The following ALK variants were observed in gnomAD, a reference collection of about 807,000 sequenced individuals.
ALK encodes ALK receptor tyrosine kinase, also known as ALK tyrosine kinase receptor.
In ALK, 74 loss-of-function variants were observed where a neutral mutation model predicts 163.1. The ratio of observed to expected loss-of-function variants is 0.45; its 90% CI spans 0.38 to 0.55. ALK has a LOEUF of 0.55. Ranked by LOEUF, ALK falls within the 20% of genes least tolerant of loss-of-function variation. The pLI is 0.00. For synonymous variants in ALK, 960 were observed against 843.2 expected, an observed-to-expected ratio of 1.14 and a Z score of -2.40; for missense variants, 2,063 against 2,105.3, an observed-to-expected ratio of 0.98 and a Z score of 0.39.
chr2:29,204,472 G>GT (rs1669263510), intron 26 of ALK, among the ~76,000 whole-genome samples: 1 of 152,200 alleles, frequency 6.6e-6, no homozygotes, highest in Non-Finnish European at 1.5e-5. Flanking sequence ...GGATTTGTCT[G>GT]TTTTTCTCAT....
At chr2:29,399,755 G>A (rs1669397724) in intron 4 of ALK, among the ~76,000 whole-genome samples, 1 of 152,202 alleles carries the variant, frequency 6.6e-6, no homozygotes, top group South Asian at 2.1e-4. Context: ...GGGCTTATAT[G>A]TGTGGAGGAG....
chr2:29,207,612 A>G (rs553754011), intron 25 of ALK, among the ~76,000 whole-genome samples: 5 of 152,362 alleles, frequency 3.3e-5, no homozygotes, highest in Admixed American at 2.6e-4. Flanking sequence ...TTATAAGTAT[A>G]GTGTGTTTCT....
At chr2:29,917,611 T>C (rs1667867705) in intron 1 of ALK, among the ~76,000 whole-genome samples, 1 of 151,988 alleles carries the variant, frequency 6.6e-6, no homozygotes, top group Non-Finnish European at 1.5e-5. Flanking sequence ...GGGGAGGCAA[T>C]GATAATGTGA....
chr2:29,468,666 T>C (rs1312210210), intron 4 of ALK, among the ~76,000 whole-genome samples: 1 of 151,374 alleles, frequency 6.6e-6, no homozygotes, highest in African/African-American at 2.4e-5. Context: ...CTGGCCAAAA[T>C]AGTGAGACCC....
intron 1 of ALK, among the ~76,000 whole-genome samples, chr2:29,819,211 G>T (rs929042213): frequency 1.3e-5 from 2 of 152,184 alleles, no homozygotes; most frequent in Non-Finnish European, 2.9e-5. Flanking sequence ...GGAGATTCAT[G>T]TTCACATTAC....
At chr2:29,194,026 G>C in intron 28 of ALK, 104 bp from the exon 29 acceptor site, 1 of 1,146,416 alleles carries the variant, frequency 8.7e-7, no homozygotes, top group Non-Finnish European at 1.3e-6. Flanking sequence ...TACAGATGAG[G>C]AAACCAGGAT....
At position 29,251,383 on chromosome 2, in the gene ALK, T is replaced by C. The variant is rs949860328; in HGVS notation, c.2042-116A>G. On this transcript the variant is annotated intron_variant, in intron 11 of 28. Transcript: ENST00000389048. ...ATGGCCCCAAACCCTCCATCCAAGA[T>C]GGCACCAAGGTCAGGGCAAGAAACA... is the stretch of plus-strand genomic sequence containing the variant. 10 of 1,083,244 alleles carry C rather than the reference T, an allele frequency of 9.2e-6. No individual in the cohort carries two copies. In the African/African-American group the frequency reaches 1.1e-4, roughly 12 times the overall value. The allele number at this position is 1,083,244 out of a possible 1,614,324, so 67.1% of individuals were successfully genotyped here. A position where few individuals can be genotyped will look rare whatever the true frequency, so the allele number is the denominator to read the frequency against.
intron 26 of ALK, among the ~76,000 whole-genome samples, chr2:29,205,747 A>G (rs1034756710): frequency 6.6e-6 from 1 of 152,084 alleles, no homozygotes; most frequent in African/African-American, 2.4e-5. Context: ...GCCCACCTAG[A>G]TGATCCAGGA....
chr2:29,512,477 A>G (rs947864607), intron 4 of ALK, among the ~76,000 whole-genome samples: 2 of 149,500 alleles, frequency 1.3e-5, no homozygotes, highest in African/African-American at 5.0e-5. Flanking sequence ...TCAATAAATT[A>G]GGAATTGATG....
intron 3 of ALK, among the ~76,000 whole-genome samples, chr2:29,626,188 T>C (rs1470329950): frequency 6.6e-6 from 1 of 152,068 alleles, no homozygotes; most frequent in Non-Finnish European, 1.5e-5. Context: ...GGGAGGTAAT[T>C]AGATTGAGAT....
intron 1 of ALK, among the ~76,000 whole-genome samples, chr2:29,849,076 G>A (rs1177509569): frequency 1.2e-4 from 18 of 152,134 alleles, no homozygotes; most frequent in Admixed American, 1.0e-3. Context: ...GAGCGTCCTC[G>A]AGCTGCCCCC....
At chr2:29,271,896 C>T (rs952779693) in intron 11 of ALK, among the ~76,000 whole-genome samples, 9 of 152,196 alleles carry the variant, frequency 5.9e-5, no homozygotes, top group Admixed American at 4.6e-4. Flanking sequence ...TGGAGTTGGG[C>T]CCAAAGTTTG....
chr2:29,396,398 G>C (rs775297763), intron 4 of ALK, among the ~76,000 whole-genome samples: 1 of 152,108 alleles, frequency 6.6e-6, no homozygotes, highest in Non-Finnish European at 1.5e-5. Flanking sequence ...AAACATGGCC[G>C]GGTGCAGTGG....
intron 3 of ALK, among the ~76,000 whole-genome samples, chr2:29,663,082 G>C (rs1024745733): frequency 6.6e-6 from 1 of 151,958 alleles, no homozygotes; most frequent in Non-Finnish European, 1.5e-5. Context: ...TAAACAACAC[G>C]GTCTTCCCAT....
chr2:29,699,831 A>T (rs965786866), intron 2 of ALK, among the ~76,000 whole-genome samples: 11 of 152,214 alleles, frequency 7.2e-5, no homozygotes, highest in Non-Finnish European at 1.5e-5. Flanking sequence ...ATCATGGAAG[A>T]AAGGTAAGGT....
intron 3 of ALK, among the ~76,000 whole-genome samples, chr2:29,685,825 A>G (rs1678222138): frequency 6.6e-6 from 1 of 152,172 alleles, no homozygotes; most frequent in Non-Finnish European, 1.5e-5. Context: ...TTCCTTCTGA[A>G]TGAGCTTCTG....
chr2:29,597,511 T>C (rs1321232885), intron 3 of ALK, among the ~76,000 whole-genome samples: 1 of 152,024 alleles, frequency 6.6e-6, no homozygotes, highest in Non-Finnish European at 1.5e-5. Flanking sequence ...ACATAACCAA[T>C]CAAATATTAA....
At chr2:29,860,025 A>G (rs1042774642) in intron 1 of ALK, among the ~76,000 whole-genome samples, 14 of 152,190 alleles carry the variant, frequency 9.2e-5, no homozygotes, top group Non-Finnish European at 1.5e-4. Flanking sequence ...CAAGAATCAG[A>G]ACAGCAGTGG....
intron 26 of ALK, among the ~76,000 whole-genome samples, chr2:29,200,760 T>TATACGTATATATGTATATATAC (rs1553389059): frequency 3.3e-4 from 35 of 104,946 alleles, no homozygotes; most frequent in African/African-American, 1.6e-3. Flanking sequence ...TACGTATATA[T>TATACGTATATATGTATATATAC]GTATATATAT....
Sources: allele counts gnomAD v4.1 joint callset (sites outside exome capture counted in the v4.1 genomes callset), GRCh38; gene constraint gnomAD v4.1.1; transcripts MANE v1.5; gene names NCBI Gene and HGNC (gene_info 2026-07-23, HGNC 2026-07-21).